The following HDAC9 variants were observed in gnomAD, a reference collection of about 807,000 sequenced individuals.
HDAC9 encodes histone deacetylase 9.
A neutral mutation model predicts 139.4 loss-of-function variants in HDAC9; 41 were observed. The observed-to-expected ratio is 0.29, with a 90% confidence interval of 0.23 to 0.38. The LOEUF is 0.38. HDAC9 is among the 10% of genes least tolerant of loss of function. HDAC9 has a pLI of 1.00. For missense variants in HDAC9, 1,147 were observed against 1,297.0 expected (o/e 0.88, Z 1.78); for synonymous variants, 517 against 476.2 (o/e 1.09, Z -1.12).
chr7:18,157,343 T>C (rs1310337266), intron 1 of HDAC9, among the ~76,000 whole-genome samples: 1 of 151,986 alleles, frequency 6.6e-6, no homozygotes. Flanking sequence ...ATAGGGGTTA[T>C]ACATGAGGGA....
chr7:18,205,844 C>G (rs766666073), intron 2 of HDAC9, among the ~76,000 whole-genome samples: 1 of 151,964 alleles, frequency 6.6e-6, no homozygotes, highest in Non-Finnish European at 1.5e-5. Flanking sequence ...TGATTTATTT[C>G]TTTAAAGAAG....
chr7:18,735,475 C>A (rs1786797631), intron 13 of HDAC9, among the ~76,000 whole-genome samples: 1 of 152,138 alleles, frequency 6.6e-6, no homozygotes, highest in South Asian at 2.1e-4. Context: ...TTCCCTGCAC[C>A]ATTTATTAAA....
chr7:18,598,246 A>T (rs1019265063), intron 6 of HDAC9, among the ~76,000 whole-genome samples: 3 of 152,188 alleles, frequency 2.0e-5, no homozygotes, highest in African/African-American at 7.2e-5. Context: ...GCTTAGGCTT[A>T]TAACGATATT....
chr7:18,774,060 C>T (rs1231897269), intron 16 of HDAC9, among the ~76,000 whole-genome samples: 1 of 151,892 alleles, frequency 6.6e-6, no homozygotes, highest in Non-Finnish European at 1.5e-5. Context: ...GCAGGCAGTT[C>T]ACAGCAGAAT....
At chr7:18,426,697 T>G (rs1469099079) in intron 1 of HDAC9, among the ~76,000 whole-genome samples, 1 of 152,204 alleles carries the variant, frequency 6.6e-6, no homozygotes, top group Non-Finnish European at 1.5e-5. Flanking sequence ...TTGTTTCAAG[T>G]CTAGTTTTAT....
intron 1 of HDAC9, among the ~76,000 whole-genome samples, chr7:18,386,519 T>A (rs1785944482): frequency 6.6e-6 from 1 of 152,192 alleles, no homozygotes; most frequent in South Asian, 2.1e-4. Context: ...CAAAACAACC[T>A]GAGGCCACAC....
At chr7:18,230,137 A>G (rs1370295639) in intron 2 of HDAC9, among the ~76,000 whole-genome samples, 4 of 152,182 alleles carry the variant, frequency 2.6e-5, no homozygotes, top group Non-Finnish European at 5.9e-5. Context: ...CATAGGATAA[A>G]TTCTGCAAGT....
At chr7:18,226,589 C>T (rs1023859124) in intron 2 of HDAC9, among the ~76,000 whole-genome samples, 2 of 151,924 alleles carry the variant, frequency 1.3e-5, no homozygotes, top group African/African-American at 2.4e-5. Context: ...GTGTGTAAGA[C>T]AGAGTTGATG....
intron 17 of HDAC9, among the ~76,000 whole-genome samples, chr7:18,824,618 A>T (rs1208001723): frequency 6.6e-6 from 1 of 152,222 alleles, no homozygotes; most frequent in Non-Finnish European, 1.5e-5. Context: ...CTGTAAAAAA[A>T]GACTAATGTA....
intron 16 of HDAC9, among the ~76,000 whole-genome samples, chr7:18,774,153 G>A (rs915161614): frequency 6.6e-6 from 1 of 151,774 alleles, no homozygotes; most frequent in African/African-American, 2.4e-5. Context: ...TTGCTATAGA[G>A]TGTCTTAACT....
chr7:18,861,673 C>T (rs193273095), intron 21 of HDAC9, among the ~76,000 whole-genome samples: 253 of 152,258 alleles, frequency 1.7e-3, no homozygotes, highest in African/African-American at 5.8e-3. Flanking sequence ...TTACTGGCTA[C>T]GTGACACATC....
chr7:18,617,447 A>G (rs925568665), intron 6 of HDAC9, among the ~76,000 whole-genome samples: 4 of 152,278 alleles, frequency 2.6e-5, no homozygotes, highest in Non-Finnish European at 5.9e-5. Flanking sequence ...CACACAAGCC[A>G]TTCTCATCTG....
chr7:18,088,356 C>T (rs1344561976), intron 1 of HDAC9, among the ~76,000 whole-genome samples: 1 of 152,090 alleles, frequency 6.6e-6, no homozygotes, highest in Non-Finnish European at 1.5e-5. Flanking sequence ...GCTGAGATTT[C>T]TCATAAGGAG....
chr7:18,789,232 C>G (rs1792083738), intron 16 of HDAC9, among the ~76,000 whole-genome samples: 1 of 151,752 alleles, frequency 6.6e-6, no homozygotes, highest in Admixed American at 6.6e-5. Context: ...CCATCCTAAT[C>G]TCCCTTTCAG....
intron 25 of HDAC9, among the ~76,000 whole-genome samples, chr7:18,976,806 G>A (rs1784577224): frequency 6.6e-6 from 1 of 152,138 alleles, no homozygotes; most frequent in Non-Finnish European, 1.5e-5. Context: ...AATAAATCAG[G>A]TGAGGCTTTA....
intron 16 of HDAC9, among the ~76,000 whole-genome samples, chr7:18,780,099 G>A (rs578115112): frequency 6.6e-6 from 1 of 152,108 alleles, no homozygotes; most frequent in South Asian, 2.1e-4. Context: ...ATTTCTCATA[G>A]CACTCAGGGA....
At chr7:18,241,899 A>G (rs185287036) in intron 2 of HDAC9, among the ~76,000 whole-genome samples, 6 of 152,360 alleles carry the variant, frequency 3.9e-5, no homozygotes, top group African/African-American at 1.4e-4. Context: ...AAGGTAAGAT[A>G]GAGCCTAGGT....
intron 25 of HDAC9, among the ~76,000 whole-genome samples, chr7:18,983,313 G>A (rs1030469306): frequency 6.6e-6 from 1 of 152,084 alleles, no homozygotes; most frequent in Non-Finnish European, 1.5e-5. Flanking sequence ...ATATTCCATT[G>A]CATGTATATG....
At chr7:18,661,710 T>G (rs1369291503) in intron 11 of HDAC9, among the ~76,000 whole-genome samples, 1 of 152,138 alleles carries the variant, frequency 6.6e-6, no homozygotes, top group Non-Finnish European at 1.5e-5. Flanking sequence ...AAGAAACATT[T>G]CTTTTACAAA....
Sources: gnomAD v4.1 joint callset for allele counts (sites outside exome capture counted in the v4.1 genomes callset) on GRCh38, gnomAD v4.1.1 for gene constraint, MANE v1.5 for transcripts, NCBI Gene and HGNC (gene_info 2026-07-23, HGNC 2026-07-21) for gene names.